Variants in FBXL17 observed in about 807,000 individuals in gnomAD.
FBXL17 encodes F-box/LRR-repeat protein 17.
Under a neutral mutation model 66.2 loss-of-function variants are expected in FBXL17, and 22 were observed. The ratio of observed to expected loss-of-function variants is 0.33; its 90% CI spans 0.24 to 0.47. FBXL17 has a LOEUF of 0.47. FBXL17 is among the 20% of genes least tolerant of loss of function. The pLI is 1.00. For missense variants in FBXL17, 878 were observed against 948.2 expected, an observed-to-expected ratio of 0.93 and a Z score of 0.97; for synonymous variants, 474 against 400.5, an observed-to-expected ratio of 1.18 and a Z score of -2.19.
At chr5:108,170,434 A>T (rs867410947) in intron 6 of FBXL17, among the ~76,000 whole-genome samples, 3 of 152,226 alleles carry the variant, frequency 2.0e-5, no homozygotes, top group African/African-American at 7.2e-5. Context: ...AGTTAGAAGA[A>T]TTTCAAAAAT....
At chr5:108,165,384 T>C (rs1198134907) in intron 6 of FBXL17, among the ~76,000 whole-genome samples, 1 of 152,228 alleles carries the variant, frequency 6.6e-6, no homozygotes, top group Non-Finnish European at 1.5e-5. Flanking sequence ...AGTAGTCTTT[T>C]CTTTTAAAAA....
At chr5:108,006,995 A>G (rs1164779624) in intron 7 of FBXL17, among the ~76,000 whole-genome samples, 1 of 152,228 alleles carries the variant, frequency 6.6e-6, no homozygotes, top group Non-Finnish European at 1.5e-5. Context: ...TATGCAGAGA[A>G]AACGGATTTT....
intron 1 of FBXL17, among the ~76,000 whole-genome samples, chr5:108,369,606 TATATA>T (rs1254232704): frequency 2.6e-5 from 4 of 151,496 alleles, no homozygotes; most frequent in East Asian, 1.9e-4. Context: ...ATATTTTAAA[TATATA>T]ATATAAAAAT....
At chr5:108,327,968 T>A (rs1188839842) in intron 4 of FBXL17, among the ~76,000 whole-genome samples, 2 of 152,118 alleles carry the variant, frequency 1.3e-5, no homozygotes, top group African/African-American at 2.4e-5. Flanking sequence ...TCTATACATT[T>A]AAAAAATCAA....
chr5:108,233,456 C>T (rs114702058), intron 4 of FBXL17, among the ~76,000 whole-genome samples: 48 of 152,134 alleles, frequency 3.2e-4, no homozygotes, highest in African/African-American at 9.6e-4. Flanking sequence ...AGAATTAGTA[C>T]GCAGAGAAAA....
chr5:108,010,177 G>GT (rs774221709), intron 7 of FBXL17, among the ~76,000 whole-genome samples: 8 of 152,212 alleles, frequency 5.3e-5, no homozygotes, highest in Non-Finnish European at 1.0e-4. Flanking sequence ...GCCCATGAAT[G>GT]TAATACCATA....
chr5:108,381,674 C>G lies in FBXL17; in HGVS notation c.18G>C (p.Ser6=), dbSNP rs1349776658. Residue 6 remains serine (S), a synonymous_variant, in exon 1 of 9, where the codon TCG becomes TCC. Coordinates refer to ENST00000542267, the MANE Select transcript of FBXL17 (RefSeq NM_001163315.3). The part of the protein sequence containing the change: MGHLL[S]KEPRNRPSQK... ...GGCTCGGGCGGTTACGCGGCTCCTT[C>G]GAGAGAAGGTGGCCCATATAGAAGG... 7 of 1,473,972 alleles carry G rather than the reference C, an allele frequency of 4.7e-6. No homozygotes were observed. The highest frequency in any genetic ancestry group is 1.5e-5 in the African/African-American group (1 of 68,212). 91.3% of individuals were successfully genotyped at this position (1,473,972 alleles called of 1,614,324 possible).
intron 4 of FBXL17, among the ~76,000 whole-genome samples, chr5:108,235,949 C>A (rs1755582748): frequency 6.6e-6 from 1 of 152,172 alleles, no homozygotes; most frequent in African/African-American, 2.4e-5. Flanking sequence ...GTGGCACACA[C>A]AAGTAGTGGC....
At chr5:108,060,181 T>A (rs1203769499) in intron 6 of FBXL17, among the ~76,000 whole-genome samples, 2 of 151,796 alleles carry the variant, frequency 1.3e-5, no homozygotes. Flanking sequence ...TGTACATATA[T>A]ATATAGATAT....
In FBXL17 at chr5:108,179,674, T is replaced by C. The variant is rs187217528; in HGVS notation, c.1745+6443A>G. ...TTGAACACTAACAAAGAGTGCATTC[T>C]CTATTTTGGAAGGCAGACAATGAAA... is the stretch of plus-strand genomic sequence containing the variant. On this transcript the variant is annotated intron_variant, in intron 6 of 8. Coordinates refer to ENST00000542267, the MANE Select transcript of FBXL17 (RefSeq NM_001163315.3). Among the ~76,000 whole-genome samples, 22 of 152,256 alleles carry C rather than the reference T, an allele frequency of 1.4e-4. 1 individual carries two copies. In the South Asian group the frequency reaches 1.7e-3, roughly 12 times the overall value.
At chr5:108,299,778 G>A (rs545063806) in intron 4 of FBXL17, 1 of 984,972 alleles carries the variant, frequency 1.0e-6, no homozygotes, top group Non-Finnish European at 1.2e-6. Context: ...AAATTCGGAA[G>A]GCTCCAGAAG....
At position 108,145,294 on chromosome 5, in the gene FBXL17, A is replaced by C. The variant is rs536712125; in HGVS notation, c.1745+40823T>G. Among the ~76,000 whole-genome samples, 9 of 152,300 alleles carry C rather than the reference A, an allele frequency of 5.9e-5. No individual in the cohort carries two copies. The South Asian group carries it at 1.9e-3, about 32-fold the overall frequency. ...ACATCAGAAATAAAACAATGAACTT[A>C]ATAAAAGTAAATGAGTAGAGATCAC... On this transcript the variant is annotated intron_variant, in intron 6 of 8. Transcript: ENST00000542267.
In FBXL17 at chr5:108,381,016, C is replaced by T. The variant is rs1020726264; in HGVS notation, c.676G>A (p.Gly226Ser). The change falls in exon 1 of 9, where the codon GGC becomes AGC. Residue 226 changes from glycine to serine, a missense_variant. Physicochemically the swap from Gly to Ser is moderately conservative, Grantham distance 56. Around this residue, in one of 4 missense-constraint regions of FBXL17, gnomAD observed 605 missense variants for 509.5 expected, o/e 1.19. Coordinates refer to ENST00000542267, the MANE Select transcript of FBXL17 (RefSeq NM_001163315.3). ...GGGGCGGGGG[G>S]GGGGGPAGGG... ...CCCGCAGGCCCTCCCCCGCCACCGC[C>T]GCCGCCGCCGCCGCCGCAGCCCCCG... is the stretch of plus-strand genomic sequence containing the variant. The T allele has an allele frequency of 8.4e-4, 995 of 1,181,156 alleles. No individual in the cohort carries two copies. Among genetic ancestry groups the T allele is most frequent in the Non-Finnish European group, 1.0e-3 (956 of 955,544 alleles). The allele number at this position is 1,181,156 out of a possible 1,614,324, so 73.2% of individuals were successfully genotyped here. A position where few individuals can be genotyped will look rare whatever the true frequency, so the allele number is the denominator to read the frequency against.
At chr5:107,940,982 C>T (rs548076839) in intron 7 of FBXL17, among the ~76,000 whole-genome samples, 2 of 152,056 alleles carry the variant, frequency 1.3e-5, no homozygotes, top group Non-Finnish European at 2.9e-5. Flanking sequence ...CTTCTAATAT[C>T]TAATTTATGG....
At chr5:108,180,098 C>G (rs1349226389) in intron 6 of FBXL17, among the ~76,000 whole-genome samples, 1 of 152,150 alleles carries the variant, frequency 6.6e-6, no homozygotes, top group Non-Finnish European at 1.5e-5. Context: ...AAAGTGCTGG[C>G]AACTAATTCA....
chr5:108,103,840 C>T (rs570082962), intron 6 of FBXL17, among the ~76,000 whole-genome samples: 1 of 152,150 alleles, frequency 6.6e-6, no homozygotes, highest in Admixed American at 6.5e-5. Flanking sequence ...AAAAAGTCTC[C>T]CTTCATTTAC....
intron 4 of FBXL17, among the ~76,000 whole-genome samples, chr5:108,334,846 C>G (rs1433959119): frequency 6.6e-6 from 1 of 152,104 alleles, no homozygotes; most frequent in Non-Finnish European, 1.5e-5. Flanking sequence ...TCAAAGAGCA[C>G]GTTAATAGTA....
At chr5:108,235,123 G>A (rs994530370) in intron 4 of FBXL17, among the ~76,000 whole-genome samples, 14 of 152,182 alleles carry the variant, frequency 9.2e-5, no homozygotes, top group African/African-American at 3.4e-4. Context: ...TAAAAAGGTG[G>A]AATGAATCTT....
intron 6 of FBXL17, among the ~76,000 whole-genome samples, chr5:108,035,824 A>G (rs1746820545): frequency 6.6e-6 from 1 of 152,104 alleles, no homozygotes; most frequent in African/African-American, 2.4e-5. Context: ...TTGAAATCTG[A>G]GATATTATTG....
Sources: gnomAD v4.1 joint callset for allele counts (sites outside exome capture counted in the v4.1 genomes callset) on GRCh38, gnomAD v4.1.1 for gene constraint, gnomAD v4.1.1 regional missense constraint, MANE v1.5 for transcripts, NCBI Gene and HGNC (gene_info 2026-07-23, HGNC 2026-07-21) for gene names.